Variants in CEACAM6 observed in about 807,000 individuals in gnomAD.
CEACAM6 encodes CEA cell adhesion molecule 6.
In CEACAM6, 21 loss-of-function variants were observed where a neutral mutation model predicts 32.4. The observed-to-expected ratio is 0.65, with a 90% CI of 0.46 to 0.93. CEACAM6 has a LOEUF of 0.93. Among genes scored for constraint, CEACAM6 ranks in the 40% least tolerant of loss-of-function variants. CEACAM6 has a pLI of 0.00. For synonymous variants in CEACAM6, 184 were observed against 174.4 expected (o/e 1.06, Z -0.43); for missense variants, 406 against 432.2 (o/e 0.94, Z 0.54).
chr19:41,761,926 C>T, intron 3 of CEACAM6, 43 bp from the exon 4 acceptor site: 3 of 1,607,004 alleles, frequency 1.9e-6, no homozygotes, highest in South Asian at 2.2e-5. Context: ...ACTTATGCTT[C>T]CCTCTGACAA....
intron 2 of CEACAM6, 41 bp from the exon 3 acceptor site, chr19:41,761,208 A>C (rs2072920898): frequency 6.2e-7 from 1 of 1,613,378 alleles, no homozygotes; most frequent in Non-Finnish European, 8.5e-7. Context: ...GAGGAATCAA[A>C]GGTGCCACAC....
chr19:41,759,480 G>A (rs782386330), intron 2 of CEACAM6, among the ~76,000 whole-genome samples: 8 of 152,070 alleles, frequency 5.3e-5, no homozygotes, highest in East Asian at 3.8e-4. Flanking sequence ...ATTTGGCATC[G>A]TTCCTTCCTT....
chr19:41,767,257 C>A (rs939325372), intron 5 of CEACAM6, among the ~76,000 whole-genome samples: 6 of 152,116 alleles, frequency 3.9e-5, no homozygotes, highest in Non-Finnish European at 7.4e-5. Flanking sequence ...TGTGGACTTA[C>A]TCACACCCTT....
At position 41,766,248 on chromosome 19, in the gene CEACAM6, G is replaced by A; in HGVS notation, c.1024G>A (p.Ala342Thr). Reference sequence around the variant, plus strand: ...CACGATTGGAGTGCTGGCCAGGGTGGCTCTGATATAGCAGCCCTGGTGTAT... The same window carrying A: ...CACGATTGGAGTGCTGGCCAGGGTGACTCTGATATAGCAGCCCTGGTGTAT... ...GITIGVLARV[A>T]LI The change falls in exon 5 of 6, where the codon GCT (alanine) becomes ACT (threonine). Residue 342 changes from alanine (A) to threonine (T), a missense_variant. Transcript: ENST00000199764. 2 of 1,599,756 alleles carry A rather than the reference G, an allele frequency of 1.3e-6. No individual in the cohort carries two copies. Among genetic ancestry groups the A allele is most frequent in the South Asian group, 1.1e-5 (1 of 88,660 alleles).
chr19:41,764,021 C>T (rs2072943030), intron 4 of CEACAM6, among the ~76,000 whole-genome samples: 1 of 152,206 alleles, frequency 6.6e-6, no homozygotes, highest in African/African-American at 2.4e-5. Context: ...ACAGGGAAAG[C>T]TTTCAGTCTT....
chr19:41,758,187 C>G (rs1400436422), intron 2 of CEACAM6: 1 of 152,344 alleles, frequency 6.6e-6, no homozygotes. Context: ...CCTCTCCCTT[C>G]GATCCACAGT....
At chr19:41,761,812 G>A (rs558085786) in intron 3 of CEACAM6, among the ~76,000 whole-genome samples, 157 bp from the exon 4 acceptor site, 1 of 152,224 alleles carries the variant, frequency 6.6e-6, no homozygotes, top group East Asian at 1.9e-4. Flanking sequence ...AGAAACAGGT[G>A]AATGTCTCAG....
In CEACAM6 at chr19:41,762,068, A is replaced by T. The variant is rs146841517; in HGVS notation, c.803A>T (p.Gln268Leu). Reference sequence around the variant, plus strand: ...CACGCAGCCTCTAACCCACCTGCACAGTACTCTTGGTTTATCAATGGGACG... The same window carrying T: ...CACGCAGCCTCTAACCCACCTGCACTGTACTCTTGGTTTATCAATGGGACG... ...SCHAASNPPA[Q>L]YSWFINGTFQ... The change falls in exon 4 of 6, where the codon CAG (glutamine) becomes CTG (leucine). Residue 268 changes from glutamine to leucine, a missense_variant. Physicochemically the swap from Gln to Leu is moderately radical, Grantham distance 113. Coordinates refer to ENST00000199764, the MANE Select transcript of CEACAM6 (RefSeq NM_002483.7). The T allele has an allele frequency of 3.8e-5, 61 of 1,614,194 alleles. No individual in the cohort carries two copies. The African/African-American group carries it at 7.9e-4, about 21-fold the overall frequency.
In CEACAM6 at chr19:41,761,375, G is replaced by A. The variant is rs1555821845; in HGVS notation, c.551G>A (p.Ser184Asn). Residue 184 changes from serine (S) to asparagine (N), a missense_variant, in exon 3 of 6, where the codon AGC becomes AAC. Ser to Asn is a conservative substitution (Grantham distance 46, BLOSUM62 1). Transcript: ENST00000199764. ...TTYLWWVNGQ[S>N]LPVSPRLQLS... ...TACCTGTGGTGGGTAAATGGTCAGA[G>A]CCTCCCGGTCAGTCCCAGGCTGCAG... 6.2e-7 allele frequency: 1 copy of A among 1,614,194 alleles called. No homozygotes were observed. Among genetic ancestry groups the A allele is most frequent in the East Asian group, 2.2e-5 (1 of 44,886 alleles).
At chr19:41,760,177 C>T (rs970809881) in intron 2 of CEACAM6, among the ~76,000 whole-genome samples, 1 of 152,226 alleles carries the variant, frequency 6.6e-6, no homozygotes, top group Non-Finnish European at 1.5e-5. Context: ...CATTCTGCCT[C>T]TCCCAATCCC....
At chr19:41,763,519 G>T (rs970054997) in intron 4 of CEACAM6, among the ~76,000 whole-genome samples, 3 of 152,222 alleles carry the variant, frequency 2.0e-5, no homozygotes, top group African/African-American at 7.2e-5. Context: ...GGTGCCAGAG[G>T]CTGTGGCTGT....
chr19:41,762,590 G>A (rs150802214), intron 4 of CEACAM6, among the ~76,000 whole-genome samples: 1 of 152,146 alleles, frequency 6.6e-6, no homozygotes, highest in Non-Finnish European at 1.5e-5. Flanking sequence ...TCACTTCTTT[G>A]TGTTCTTTTA....
At chr19:41,755,779 G>C (rs1481824605) in intron 1 of CEACAM6, 77 bp downstream of exon 1, 2 of 1,256,878 alleles carry the variant, frequency 1.6e-6, no homozygotes, top group Non-Finnish European at 2.2e-6. Flanking sequence ...GGAGGACAAG[G>C]CTCTGAGAGG....
At chr19:41,760,302 CA>C (rs1396213253) in intron 2 of CEACAM6, among the ~76,000 whole-genome samples, 2 of 152,120 alleles carry the variant, frequency 1.3e-5, no homozygotes, top group African/African-American at 2.4e-5. Flanking sequence ...GCATAATGTC[CA>C]ATGGGAGAAA....
chr19:41,755,888 G>C (rs1568723470), intron 1 of CEACAM6, among the ~76,000 whole-genome samples, 186 bp downstream of exon 1: 1 of 152,122 alleles, frequency 6.6e-6, no homozygotes, highest in Non-Finnish European at 1.5e-5. Context: ...GATAAAAAGG[G>C]AGGAAAATCA....
chr19:41,761,796 G>A (rs1555821928), intron 3 of CEACAM6, among the ~76,000 whole-genome samples, 173 bp from the exon 4 acceptor site: 2 of 152,202 alleles, frequency 1.3e-5, no homozygotes, highest in Non-Finnish European at 2.9e-5. Flanking sequence ...CACATTTTCT[G>A]ATGGGAGAAA....
At chr19:41,766,435 C>T in intron 5 of CEACAM6, 136 bp downstream of exon 5, 1 of 475,402 alleles carries the variant, frequency 2.1e-6, no homozygotes, top group Non-Finnish European at 3.8e-6. Flanking sequence ...GCACTAATTC[C>T]TGCAGGTCTC....
At chr19:41,769,579 T>C (rs1032092879) in intron 5 of CEACAM6, among the ~76,000 whole-genome samples, 2 of 151,866 alleles carry the variant, frequency 1.3e-5, no homozygotes, top group Non-Finnish European at 2.9e-5. Flanking sequence ...ATTTTTTCTT[T>C]TAAGCTATCT....
chr19:41,763,276 G>A (rs568369601), intron 4 of CEACAM6, among the ~76,000 whole-genome samples: 5 of 152,056 alleles, frequency 3.3e-5, no homozygotes, highest in Non-Finnish European at 7.4e-5. Context: ...GCCCACCTGT[G>A]ACCCACAGCC....
Sources: allele counts gnomAD v4.1 joint callset (sites outside exome capture counted in the v4.1 genomes callset), GRCh38; gene constraint gnomAD v4.1.1; transcripts MANE v1.5; gene names NCBI Gene and HGNC (gene_info 2026-07-23, HGNC 2026-07-21).